Variants in CEACAM3 observed in about 807,000 individuals in gnomAD.
The protein encoded by CEACAM3 is cell adhesion molecule CEACAM3.
A neutral mutation model predicts 30.1 loss-of-function variants in CEACAM3; 32 were observed. The observed-to-expected ratio is 1.06, with a 90% confidence interval of 0.80 to 1.43. CEACAM3 has a LOEUF of 1.43. Among genes scored for constraint, CEACAM3 ranks in the 40% most tolerant of loss-of-function variants. CEACAM3 has a pLI of 0.00. For synonymous variants in CEACAM3, 134 were observed against 127.2 expected (o/e 1.05, Z -0.36); for missense variants, 290 against 316.3 (o/e 0.92, Z 0.63).
At chr19:41,808,416 G>A (rs1214289111) in intron 2 of CEACAM3, among the ~76,000 whole-genome samples, 2 of 152,202 alleles carry the variant, frequency 1.3e-5, no homozygotes, top group Non-Finnish European at 2.9e-5. Context: ...GCACATGGAA[G>A]GCCCCTGAAA....
intron 3 of CEACAM3, 60 bp from the exon 4 acceptor site, chr19:41,809,905 G>C: frequency 6.4e-7 from 1 of 1,564,810 alleles, no homozygotes; most frequent in East Asian, 2.2e-5. Flanking sequence ...TCCCCTGTTC[G>C]AACTCCAAAG....
rs2073117277 is a variant in CEACAM3, at chr19:41,797,962, C to T, written c.424+14C>T. On this transcript the variant is annotated intron_variant, in intron 2 of 6. Transcript: ENST00000357396. ...TCCATGTATACCGTGAGTATTTCCA[C>T]ATGACCTCTGGGTGTTGGGGGTCAG... 1 of 1,584,262 alleles carries T rather than the reference C, an allele frequency of 6.3e-7. No individual in the cohort carries two copies. Among genetic ancestry groups the T allele is most frequent in the Non-Finnish European group, 8.6e-7 (1 of 1,164,568 alleles).
chr19:41,803,191 T>C (rs1251405482), intron 2 of CEACAM3, among the ~76,000 whole-genome samples: 1 of 152,014 alleles, frequency 6.6e-6, no homozygotes, highest in Non-Finnish European at 1.5e-5. Flanking sequence ...AAGGTTATGA[T>C]GGAAAAAGTA....
At position 41,811,176 on chromosome 19, in the gene CEACAM3, T is replaced by C. The variant is rs782465648; in HGVS notation, c.698T>C (p.Leu233Ser). The stretch of plus-strand genomic sequence containing the variant: ...GCCTCTTCTCTGTTTTAACAGGAAT[T>C]GCTAAAACATGACACAAACATTTAC... ...PRTAASIYEE[L>S]LKHDTNIYCR... Residue 233 changes from leucine (L) to serine (S), a missense_variant, in exon 7 of 7, where the codon TTG becomes TCG. Leu to Ser is a moderately radical substitution (Grantham distance 145). Coordinates refer to ENST00000357396, the MANE Select transcript of CEACAM3 (RefSeq NM_001815.5). The C allele has an allele frequency of 2.5e-6, 4 of 1,614,052 alleles. No homozygotes were observed. Among genetic ancestry groups the C allele is most frequent in the Non-Finnish European group, 3.4e-6 (4 of 1,179,986 alleles).
chr19:41,800,632 A>G (rs2122995999), intron 2 of CEACAM3, among the ~76,000 whole-genome samples: 1 of 152,248 alleles, frequency 6.6e-6, no homozygotes, highest in South Asian at 2.1e-4. Flanking sequence ...TGAAAGTACT[A>G]AAAGTCTCTG....
At chr19:41,800,795 C>T (rs1299042736) in intron 2 of CEACAM3, among the ~76,000 whole-genome samples, 1 of 152,182 alleles carries the variant, frequency 6.6e-6, no homozygotes, top group African/African-American at 2.4e-5. Flanking sequence ...TTTACCCTCC[C>T]CCTTTTGCTT....
chr19:41,810,857 C>G lies in CEACAM3; in HGVS notation c.653C>G (p.Ala218Gly). 6.2e-7 allele frequency: 1 copy of G among 1,613,168 alleles called. No individual in the cohort carries two copies. The highest frequency in any genetic ancestry group is 8.5e-7 in the Non-Finnish European group (1 of 1,179,486). Residue 218 changes from alanine (A) to glycine (G), a missense_variant, in exon 6 of 7, where the codon GCC (alanine) becomes GGC (glycine). Physicochemically the swap from Ala to Gly is moderately conservative, Grantham distance 60 (BLOSUM62 0). Transcript: ENST00000357396. The part of the protein sequence containing the change: ...FSMSPLSTAQ[A>G]PLPNPRTAAS... The stretch of plus-strand genomic sequence containing the variant: ...ATGTCCCCTCTCTCCACTGCCCAGG[C>G]CCCCCTACCCAACCCCAGGACAGCA...
At chr19:41,810,501 T>A in intron 5 of CEACAM3, 147 bp downstream of exon 5, 1 of 996,210 alleles carries the variant, frequency 1.0e-6, no homozygotes, top group Non-Finnish European at 1.5e-6. Flanking sequence ...GGCCAGGAGC[T>A]GGGCCTCCCT....
At chr19:41,803,729 G>GAAGACCCTCACTC in intron 2 of CEACAM3, among the ~76,000 whole-genome samples, 1 of 45,592 alleles carries the variant, frequency 2.2e-5, no homozygotes, top group Non-Finnish European at 1.0e-4. Flanking sequence ...GCCTCCAAAA[G>GAAGACCCTCACTC]TGCTGGGATT....
chr19:41,797,696 C>A lies in CEACAM3; in HGVS notation c.172C>A (p.Leu58Met), dbSNP rs782198304. Residue 58 changes from leucine (L) to methionine (M), a missense_variant, in exon 2 of 7, where the codon CTG becomes ATG. By Grantham distance (15) the Leu-to-Met change is conservative (BLOSUM62 2). Coordinates refer to ENST00000357396, the MANE Select transcript of CEACAM3 (RefSeq NM_001815.5). ...GKEVLLLVHN[L>M]PQHLFGYSWY... ...GGAGGTGCTTCTACTTGTCCACAATCTGCCCCAGCATCTTTTTGGCTACAG... is the reference window on the plus strand; with the variant it reads ...GGAGGTGCTTCTACTTGTCCACAATATGCCCCAGCATCTTTTTGGCTACAG... 22 of 1,613,998 alleles carry A rather than the reference C, an allele frequency of 1.4e-5. No homozygotes were observed. The African/African-American group carries it at 2.7e-4, about 20-fold the overall frequency.
At chr19:41,808,387 T>G (rs1268510373) in intron 2 of CEACAM3, among the ~76,000 whole-genome samples, 1 of 152,148 alleles carries the variant, frequency 6.6e-6, no homozygotes, top group African/African-American at 2.4e-5. Flanking sequence ...TGTAGGTAGG[T>G]TGGTGCCCAC....
rs781926231 is a variant in CEACAM3 at position 41,797,818 on chromosome 19, A to G, written c.294A>G (p.Arg98=). ...CCCCAGGGGCCGCATACAGCGGTCG[A>G]GAGACAATATACACCAATGCATCCC... ...QATPGAAYSG[R]ETIYTNASLL... is the part of the protein sequence containing the mutation. The change falls in exon 2 of 7, where the codon CGA becomes CGG. Residue 98 remains arginine, a synonymous_variant. Transcript: ENST00000357396. The G allele has an allele frequency of 2.5e-6, 4 of 1,612,988 alleles. No homozygotes were observed. Among genetic ancestry groups the G allele is most frequent in the Middle Eastern group, 1.7e-4 (1 of 6,060 alleles).
At chr19:41,810,126 C>A in intron 4 of CEACAM3, 109 bp downstream of exon 4, 2 of 1,327,346 alleles carry the variant, frequency 1.5e-6, no homozygotes, top group Non-Finnish European at 1.1e-6. Context: ...CCGGGGGCTG[C>A]AAGGAGGATC....
rs1358782908 is a variant in CEACAM3, at chr19:41,810,768, C to G, written c.628-64C>G. On this transcript the variant is annotated intron_variant, in intron 5 of 6. Transcript: ENST00000357396. ...AGAAGTAAACACAGAGAAGTAAATCCTGGCCAATCAGAGACAGGAAACTTC... is the reference window on the plus strand; with the variant it reads ...AGAAGTAAACACAGAGAAGTAAATCGTGGCCAATCAGAGACAGGAAACTTC... The G allele has an allele frequency of 2.9e-6, 4 of 1,391,412 alleles. No homozygotes were observed. The African/African-American group carries it at 5.7e-5, about 20-fold the overall frequency. 86.2% of individuals were successfully genotyped at this position (1,391,412 alleles called of 1,614,324 possible). A position where few individuals can be genotyped will look rare whatever the true frequency, so the allele number is the denominator to read the frequency against.
intron 1 of CEACAM3, chr19:41,797,273 G>A (rs1417066790): frequency 2.8e-6 from 1 of 352,136 alleles, no homozygotes; most frequent in Non-Finnish European, 5.2e-6. Context: ...AGCAGAAAAA[G>A]GTCAGAAAGG....
chr19:41,801,054 C>T (rs1462995827), intron 2 of CEACAM3, among the ~76,000 whole-genome samples: 13 of 152,072 alleles, frequency 8.5e-5, no homozygotes, highest in African/African-American at 2.9e-4. Context: ...CACTGTAGTC[C>T]CCACAGCTCA....
chr19:41,802,287 T>G (rs1262292292), intron 2 of CEACAM3, among the ~76,000 whole-genome samples: 1 of 152,162 alleles, frequency 6.6e-6, no homozygotes, highest in African/African-American at 2.4e-5. Flanking sequence ...GGTGTCCAAT[T>G]TGGCATGTAA....
chr19:41,809,395 C>T (rs2073230576), intron 3 of CEACAM3: 1 of 166,716 alleles, frequency 6.0e-6, no homozygotes, highest in South Asian at 1.6e-4. Context: ...CCCCCCATGG[C>T]TGATGTGGTA....
Position 41,811,409 on chromosome 19 carries a change from C to T in CEACAM3, c.*172C>T, listed in dbSNP as rs1325211827. On this transcript the variant is annotated 3_prime_UTR_variant, in exon 7 of 7. Transcript: ENST00000357396. ...GTCCCTGATGAATATCTGGAGACCT[C>T]GACAGCCTGCCCTAGGCCCTGGGTG... 1 of 620,950 alleles carries T rather than the reference C, an allele frequency of 1.6e-6. No homozygotes were observed. Among genetic ancestry groups the T allele is most frequent in the South Asian group, 1.8e-5 (1 of 54,060 alleles). The allele number at this position is 620,950 out of a possible 1,614,324, so 38.5% of individuals were successfully genotyped here.
Sources: gnomAD v4.1 joint callset for allele counts (sites outside exome capture counted in the v4.1 genomes callset) on GRCh38, gnomAD v4.1.1 for gene constraint, MANE v1.5 for transcripts, NCBI Gene and HGNC (gene_info 2026-07-23, HGNC 2026-07-21) for gene names.